The following TOM1 variants were observed in gnomAD, a reference collection of about 807,000 sequenced individuals.
TOM1 encodes target of Myb protein 1.
TOM1 carries 38 observed loss-of-function variants against 61.3 expected under a neutral mutation model. The ratio of observed to expected loss-of-function variants is 0.62; its 90% CI spans 0.48 to 0.81. The LOEUF (loss-of-function observed/expected upper bound fraction) is 0.81. Ranked by LOEUF, TOM1 falls within the 40% of genes least tolerant of loss-of-function variation. The pLI is 0.00. For missense variants in TOM1, 591 were observed against 659.6 expected (o/e 0.90, Z 1.14); for synonymous variants, 270 against 268.8 (o/e 1.00, Z -0.04).
chr22:35,300,769 C>G (rs1450763684), intron 1 of TOM1, among the ~76,000 whole-genome samples: 1 of 152,166 alleles, frequency 6.6e-6, no homozygotes, highest in Non-Finnish European at 1.5e-5. Context: ...CTCCCTGGGC[C>G]GAGGTTTCCT....
rs1385357877 is a variant in TOM1 at position 35,323,891 on chromosome 22, C to A, written c.625C>A (p.Pro209Thr). 3.8e-6 allele frequency: 6 copies of A among 1,584,672 alleles called. No individual in the cohort carries two copies. The East Asian group carries it at 1.1e-4, about 30-fold the overall frequency. ...PAPPILSGDT[P>T]IAPTPEQIGK... ...CCCGCCCATACTCTCCGGTGACACG[C>A]CCATAGCACCAACCCCGGAACAGGT... The change falls in exon 6 of 15, where the codon CCC becomes ACC. Residue 209 changes from proline (P) to threonine (T), a missense_variant. Transcript: ENST00000449058. The surrounding 1 kb of genome is among the most constrained non-coding windows in gnomAD (Gnocchi z 4.2).
At chr22:35,315,764 C>T (rs1927223810) in intron 1 of TOM1, among the ~76,000 whole-genome samples, 1 of 152,210 alleles carries the variant, frequency 6.6e-6, no homozygotes, top group Admixed American at 6.5e-5. Context: ...GTTGAGCCAG[C>T]CTGGCTAGAA....
chr22:35,318,008 C>T (rs370968300), intron 2 of TOM1, 47 bp downstream of exon 2: 6 of 1,477,492 alleles, frequency 4.1e-6, no homozygotes, highest in Non-Finnish European at 5.7e-6. Context: ...GGCCATCCCA[C>T]CACGCAGCAC....
At chr22:35,318,152 C>T in intron 2 of TOM1, 191 bp downstream of exon 2, 4 of 589,684 alleles carry the variant, frequency 6.8e-6, no homozygotes, top group Non-Finnish European at 1.2e-5. Context: ...TAGGAATTCA[C>T]AGCTGGCCCC....
At chr22:35,314,424 G>A (rs544119472) in intron 1 of TOM1, among the ~76,000 whole-genome samples, 1 of 152,100 alleles carries the variant, frequency 6.6e-6, no homozygotes, top group Admixed American at 6.6e-5. Context: ...TGCACTGCTT[G>A]GGTCACATCA....
At chr22:35,309,242 C>T (rs1466445006) in intron 1 of TOM1, among the ~76,000 whole-genome samples, 1 of 152,058 alleles carries the variant, frequency 6.6e-6, no homozygotes, top group Non-Finnish European at 1.5e-5. Flanking sequence ...ACAGAGAGGC[C>T]GAGGAGTTAC....
At chr22:35,344,513 C>G (rs1202754747) in intron 12 of TOM1, 1 of 152,232 alleles carries the variant, frequency 6.6e-6, no homozygotes, top group Non-Finnish European at 1.5e-5. Flanking sequence ...ACAAGGTAGC[C>G]CGTCTGGCAG....
chr22:35,309,343 C>G (rs913558658), intron 1 of TOM1, among the ~76,000 whole-genome samples: 4 of 152,072 alleles, frequency 2.6e-5, no homozygotes, highest in African/African-American at 9.7e-5. Flanking sequence ...CTCACCGATT[C>G]CCCCTTAGAA....
At chr22:35,305,173 C>T (rs1052619127) in intron 1 of TOM1, among the ~76,000 whole-genome samples, 2 of 152,224 alleles carry the variant, frequency 1.3e-5, no homozygotes, top group African/African-American at 4.8e-5. Context: ...GAGGAGACAC[C>T]AGGCTGGGAG....
At chr22:35,316,300 G>C (rs1302942741) in intron 1 of TOM1, among the ~76,000 whole-genome samples, 2 of 152,254 alleles carry the variant, frequency 1.3e-5, no homozygotes, top group African/African-American at 4.8e-5. Context: ...ATACATACCA[G>C]CCAGAGTGAT....
chr22:35,312,727 T>G lies in TOM1; in HGVS notation c.53-5150T>G, dbSNP rs73885910. On this transcript the variant is annotated intron_variant, in intron 1 of 14. Transcript: ENST00000449058. ...TGTGAACTGGATGAGCCTGACTGAATGAGGAATGGCATTGCAGACAGAAGC... is the reference window on the plus strand; with the variant it reads ...TGTGAACTGGATGAGCCTGACTGAAGGAGGAATGGCATTGCAGACAGAAGC... Among the ~76,000 whole-genome samples the G allele has an allele frequency of 5.3e-3, 804 of 152,252 alleles. 10 individuals are homozygous for G. Among genetic ancestry groups the G allele is most frequent in the African/African-American group, 0.018 (747 of 41,558 alleles).
chr22:35,305,791 G>C (rs574450379), intron 1 of TOM1, among the ~76,000 whole-genome samples: 1 of 152,314 alleles, frequency 6.6e-6, no homozygotes, highest in East Asian at 1.9e-4. Context: ...CCAGAGCCTT[G>C]CAAAGATGGA....
chr22:35,327,160 G>A, intron 6 of TOM1, 111 bp from the exon 7 acceptor site: 1 of 1,018,848 alleles, frequency 9.8e-7, no homozygotes, highest in Non-Finnish European at 1.5e-6. Context: ...CTGCTGGGAG[G>A]TCGGCTCCCT....
chr22:35,342,453 T>C (rs1430243232), intron 12 of TOM1, among the ~76,000 whole-genome samples: 1 of 152,056 alleles, frequency 6.6e-6, no homozygotes, highest in African/African-American at 2.4e-5. Context: ...GATAAACTGA[T>C]GTTTCTAAAA....
chr22:35,299,709 G>GACGTC, upstream of TOM1: 1 of 585,704 alleles, frequency 1.7e-6, no homozygotes, highest in Admixed American at 3.1e-5. Context: ...CATCGTGTGT[G>GACGTC]ACGCCCGCCG....
intron 2 of TOM1, among the ~76,000 whole-genome samples, chr22:35,320,148 T>G (rs565021219): frequency 1.8e-4 from 27 of 152,286 alleles, no homozygotes; most frequent in Admixed American, 1.1e-3. Flanking sequence ...CTAGCAAGCT[T>G]CTTCTCTACC....
chr22:35,304,868 A>G (rs1011380230), intron 1 of TOM1, among the ~76,000 whole-genome samples: 2 of 152,164 alleles, frequency 1.3e-5, no homozygotes, highest in Admixed American at 1.3e-4. Context: ...TCCAAATCCT[A>G]GCTGATTGCC....
intron 2 of TOM1, among the ~76,000 whole-genome samples, chr22:35,319,430 A>G (rs962504525): frequency 2.0e-5 from 3 of 152,124 alleles, no homozygotes; most frequent in Non-Finnish European, 4.4e-5. Flanking sequence ...TGTCTCCCCC[A>G]CTGGGTTGTG....
chr22:35,312,947 A>T (rs1459565858), intron 1 of TOM1, among the ~76,000 whole-genome samples: 1 of 152,186 alleles, frequency 6.6e-6, no homozygotes, highest in Non-Finnish European at 1.5e-5. Context: ...GGGAGGTGGC[A>T]GCTTGAGCCA....
Sources: allele counts gnomAD v4.1 joint callset (sites outside exome capture counted in the v4.1 genomes callset), GRCh38; gene constraint gnomAD v4.1.1; non-coding constraint Gnocchi (gnomAD v3.1); transcripts MANE v1.5; gene names NCBI Gene and HGNC (gene_info 2026-07-23, HGNC 2026-07-21).